ST7L: variants seen among roughly 807,000 people sequenced by gnomAD.
ST7L encodes the protein suppression of tumorigenicity 7 like, also known as suppressor of tumorigenicity 7 protein-like.
ST7L carries 57 observed loss-of-function variants against 72.5 expected under a neutral mutation model. The observed-to-expected ratio is 0.79, with a 90% CI of 0.64 to 0.98. The LOEUF is 0.98. ST7L is among the 50% of genes least tolerant of loss of function. The pLI is 0.00. For synonymous variants in ST7L, 221 were observed against 240.9 expected, an observed-to-expected ratio of 0.92 and a Z score of 0.77; for missense variants, 576 against 672.2, an observed-to-expected ratio of 0.86 and a Z score of 1.58.
intron 11 of ST7L, among the ~76,000 whole-genome samples, chr1:112,561,165 AT>A (rs1014021790): frequency 1.3e-5 from 2 of 151,866 alleles, no homozygotes; most frequent in African/African-American, 2.4e-5. Flanking sequence ...CTGACCGATG[AT>A]TTTTTTCAGT....
At chr1:112,601,689 T>C (rs1187737119) in intron 3 of ST7L, among the ~76,000 whole-genome samples, 1 of 152,088 alleles carries the variant, frequency 6.6e-6, no homozygotes, top group Non-Finnish European at 1.5e-5. Context: ...ATGACGAACA[T>C]CTGCAGCAGA....
At chr1:112,576,935 C>A in intron 11 of ST7L, 51 bp downstream of exon 11, 1 of 1,392,120 alleles carries the variant, frequency 7.2e-7, no homozygotes, top group Non-Finnish European at 1.0e-6. Context: ...GAACTGTCAT[C>A]AATTTGATAA....
intron 6 of ST7L, among the ~76,000 whole-genome samples, chr1:112,590,864 T>A (rs1665592193): frequency 6.6e-6 from 1 of 152,170 alleles, no homozygotes; most frequent in Non-Finnish European, 1.5e-5. Context: ...GATTGAATGC[T>A]TTAAGTGAAT....
intron 11 of ST7L, among the ~76,000 whole-genome samples, chr1:112,571,575 TGCCACCAG>T: frequency 6.6e-6 from 1 of 152,122 alleles, no homozygotes; most frequent in African/African-American, 2.4e-5. Flanking sequence ...TACAGGCATG[TGCCACCAG>T]GCCTGGCTAA....
intron 3 of ST7L, among the ~76,000 whole-genome samples, chr1:112,608,089 T>C (rs1036579162): frequency 4.6e-5 from 7 of 152,170 alleles, no homozygotes; most frequent in Non-Finnish European, 4.4e-5. Flanking sequence ...GGCACAGTCA[T>C]AGCTCACTGC....
chr1:112,614,093 G>A lies in ST7L; in HGVS notation c.288+2720C>T, dbSNP rs541488841. 3.9e-5 allele frequency among the ~76,000 whole-genome samples: 6 copies of A among 152,204 alleles called. No homozygotes were observed. In the South Asian group the frequency reaches 1.2e-3, roughly 32 times the overall value. ...TAAGTTATCCCCCTCTTATAAATGA[G>A]GAAATTATAGCTTAGACAGTTTATG... is the stretch of plus-strand genomic sequence containing the variant. On this transcript the variant is annotated intron_variant, in intron 2 of 14. Coordinates refer to ENST00000358039, the MANE Select transcript of ST7L (RefSeq NM_017744.5).
intron 3 of ST7L, among the ~76,000 whole-genome samples, chr1:112,606,088 C>A (rs1489551611): frequency 6.6e-6 from 1 of 152,184 alleles, no homozygotes; most frequent in Non-Finnish European, 1.5e-5. Flanking sequence ...AAACTCAATT[C>A]TGTTCCTGGC....
At position 112,600,868 on chromosome 1, in the gene ST7L, AAG is replaced by A. The variant is rs775648970; in HGVS notation, c.452-22_452-21del. 3 of 1,597,706 alleles carry A rather than the reference AAG, an allele frequency of 1.9e-6. No homozygotes were observed. The highest frequency in any genetic ancestry group is 1.7e-5 in the Admixed American group (1 of 58,296). ...TACATTCTGAAAAACAAGGGAGAAAAAGGGGGAAAAAGAGACACTTTAAAATC... is the reference window on the plus strand; with the variant it reads ...TACATTCTGAAAAACAAGGGAGAAAAGGGGAAAAAGAGACACTTTAAAATC... On this transcript the variant is annotated intron_variant, in intron 3 of 14. Transcript: ENST00000358039.
intron 3 of ST7L, chr1:112,607,178 G>A (rs759053439): frequency 7.9e-5 from 12 of 151,720 alleles, no homozygotes; most frequent in Non-Finnish European, 1.5e-4. Context: ...TTTTTACCTA[G>A]TAAGGAGAGA....
chr1:112,567,411 G>C (rs1661231147), intron 11 of ST7L, among the ~76,000 whole-genome samples: 2 of 151,946 alleles, frequency 1.3e-5, no homozygotes, highest in South Asian at 4.2e-4. Context: ...CCTGTCCATG[G>C]CTTGCCTTTT....
upstream of ST7L, chr1:112,619,453 A>G (rs546364242): frequency 7.9e-5 from 43 of 542,848 alleles, no homozygotes; most frequent in South Asian, 1.1e-3. Flanking sequence ...CCAGCTGCCG[A>G]GCAGCTCTTA....
chr1:112,518,737 T>C (rs551579404), downstream of ST7L, among the ~76,000 whole-genome samples: 1 of 152,300 alleles, frequency 6.6e-6, no homozygotes, highest in South Asian at 2.1e-4. Flanking sequence ...GTGTTCGTTT[T>C]TCTCAGAGGC....
intron 11 of ST7L, 146 bp downstream of exon 11, chr1:112,576,840 C>G: frequency 2.0e-6 from 1 of 500,580 alleles, no homozygotes; most frequent in East Asian, 3.3e-5. Context: ...TTTCAACGTC[C>G]CCTGTAAGGT....
At position 112,598,022 on chromosome 1, in the gene ST7L, G is replaced by A. The variant is rs758252296; in HGVS notation, c.571C>T (p.His191Tyr). The stretch of plus-strand genomic sequence containing the variant: ...GTGTCACAGGTGAAAAAGGTCTGAT[G>A]GTCCTGAGCTGACAGGTTCATGTCA... The part of the protein sequence containing the change: ...YYDMNLSAQD[H>Y]QTFFTCDTDF... The change falls in exon 5 of 15, where the codon CAT becomes TAT. Residue 191 changes from histidine (H) to tyrosine (Y), a missense_variant. Around this residue, in one of 3 missense-constraint regions of ST7L, gnomAD observed 511 missense variants for 600.7 expected, o/e 0.85. Coordinates refer to ENST00000358039, the MANE Select transcript of ST7L (RefSeq NM_017744.5). The A allele has an allele frequency of 6.2e-7, 1 of 1,613,816 alleles. No individual in the cohort carries two copies. The highest frequency in any genetic ancestry group is 8.5e-7 in the Non-Finnish European group (1 of 1,179,886).
At chr1:112,599,980 G>A (rs116512458) in intron 4 of ST7L, among the ~76,000 whole-genome samples, 3,067 of 152,302 alleles carry the variant, frequency 0.02, 105 homozygotes, top group African/African-American at 0.069. Flanking sequence ...CAAGGCAGGA[G>A]TATTACTTGG....
chr1:112,578,634 C>A (rs954206822), intron 9 of ST7L, among the ~76,000 whole-genome samples: 3 of 152,066 alleles, frequency 2.0e-5, no homozygotes, highest in African/African-American at 7.2e-5. Flanking sequence ...ATTTGCCAGG[C>A]ATGGTGGCGC....
chr1:112,604,708 G>C (rs1338034983), intron 3 of ST7L, among the ~76,000 whole-genome samples: 8 of 149,464 alleles, frequency 5.4e-5, no homozygotes, highest in Non-Finnish European at 1.0e-4. Context: ...GGCTGAGGCA[G>C]GAGGATCACT....
intron 3 of ST7L, among the ~76,000 whole-genome samples, chr1:112,604,296 G>A (rs10218524): frequency 0.014 from 2,080 of 152,226 alleles, 56 homozygotes; most frequent in African/African-American, 0.048. Flanking sequence ...GCAACAGAGC[G>A]AGACTTCATC....
chr1:112,569,967 A>C (rs1020514275), intron 11 of ST7L, among the ~76,000 whole-genome samples: 19 of 151,582 alleles, frequency 1.3e-4, no homozygotes, highest in Middle Eastern at 3.4e-3. Flanking sequence ...CAAAAAAAAA[A>C]AAAAAAACAA....
Sources: gnomAD v4.1 joint callset for allele counts (sites outside exome capture counted in the v4.1 genomes callset) on GRCh38, gnomAD v4.1.1 for gene constraint, gnomAD v4.1.1 regional missense constraint, MANE v1.5 for transcripts, NCBI Gene and HGNC (gene_info 2026-07-23, HGNC 2026-07-21) for gene names.